Variants in SYT1 observed in about 807,000 individuals in gnomAD.
SYT1 encodes synaptotagmin-1.
Under a neutral mutation model 44.8 loss-of-function variants are expected in SYT1, and 8 were observed. The ratio of observed to expected loss-of-function variants is 0.18; its 90% CI spans 0.10 to 0.32. SYT1 has a LOEUF of 0.32. Among genes scored for constraint, SYT1 ranks in the 10% least tolerant of loss-of-function variants. The pLI, the probability that SYT1 is intolerant of heterozygous loss-of-function variation, is 1.00. For missense variants in SYT1, 286 were observed against 509.3 expected (o/e 0.56, Z 4.22); for synonymous variants, 154 against 188.8 (o/e 0.82, Z 1.51).
At chr12:79,073,605 G>GA (rs1876435161) in intron 3 of SYT1, among the ~76,000 whole-genome samples, 1 of 152,126 alleles carries the variant, frequency 6.6e-6, no homozygotes, top group Non-Finnish European at 1.5e-5. Flanking sequence ...GACAGCAGGT[G>GA]AAAATCCCTG....
At chr12:79,445,335 G>A (rs565055592) in intron 10 of SYT1, among the ~76,000 whole-genome samples, 1 of 151,964 alleles carries the variant, frequency 6.6e-6, no homozygotes, top group Non-Finnish European at 1.5e-5. Flanking sequence ...CCTACTTGTA[G>A]CTATTTGAAA....
intron 9 of SYT1, among the ~76,000 whole-genome samples, chr12:79,395,642 C>T (rs1400071360): frequency 1.3e-5 from 2 of 151,986 alleles, no homozygotes; most frequent in East Asian, 3.8e-4. Context: ...CTGCCTTGGC[C>T]TCCCAAAGTG....
intron 3 of SYT1, among the ~76,000 whole-genome samples, chr12:79,117,779 A>G (rs1879384702): frequency 6.9e-6 from 1 of 145,478 alleles, no homozygotes; most frequent in South Asian, 2.2e-4. Context: ...GAGCTAGGTC[A>G]TATTATTTAT....
intron 7 of SYT1, among the ~76,000 whole-genome samples, chr12:79,297,289 C>T (rs1399979335): frequency 6.6e-6 from 1 of 152,080 alleles, no homozygotes; most frequent in Non-Finnish European, 1.5e-5. Context: ...TAAAGACATT[C>T]TGGAAATACT....
At chr12:79,109,204 T>C (rs1166506085) in intron 3 of SYT1, among the ~76,000 whole-genome samples, 1 of 152,144 alleles carries the variant, frequency 6.6e-6, no homozygotes, top group Non-Finnish European at 1.5e-5. Context: ...CTCCTCCCAA[T>C]GTTCAGGCCA....
At chr12:79,242,818 C>T (rs1454209452) in intron 4 of SYT1, among the ~76,000 whole-genome samples, 1 of 152,162 alleles carries the variant, frequency 6.6e-6, no homozygotes, top group African/African-American at 2.4e-5. Flanking sequence ...GTGTATATAA[C>T]TTCTATGTAA....
chr12:79,450,645 T>C lies in SYT1; in HGVS notation c.*1521T>C, dbSNP rs1378780513. 1.3e-5 allele frequency: 2 copies of C among 152,670 alleles called. No individual in the cohort carries two copies. Among genetic ancestry groups the C allele is most frequent in the African/African-American group, 2.4e-5 (1 of 41,458 alleles). 9.5% of individuals were successfully genotyped at this position (152,670 alleles called of 1,614,324 possible). A position where few individuals can be genotyped will look rare whatever the true frequency, so the allele number is the denominator to read the frequency against. ...AGTGGATAGCACTCAATTTATTCCG[T>C]AGTGATATTGTAACAATACTGCCAT... On this transcript the variant is annotated 3_prime_UTR_variant, in exon 11 of 11. Transcript: ENST00000261205.
At chr12:79,115,182 T>A (rs1367963193) in intron 3 of SYT1, among the ~76,000 whole-genome samples, 2 of 152,146 alleles carry the variant, frequency 1.3e-5, no homozygotes, top group African/African-American at 4.8e-5. Context: ...TATTAGAATA[T>A]CATAAAATTA....
At chr12:78,912,691 G>A (rs2137132265) in intron 1 of SYT1, among the ~76,000 whole-genome samples, 1 of 151,986 alleles carries the variant, frequency 6.6e-6, no homozygotes, top group Admixed American at 6.6e-5. Context: ...GCTTTAAAAG[G>A]GAGATGTTTT....
chr12:79,424,123 G>T (rs764287414), intron 9 of SYT1, among the ~76,000 whole-genome samples: 4 of 151,968 alleles, frequency 2.6e-5, no homozygotes, highest in African/African-American at 7.2e-5. Context: ...AAGGGAATTC[G>T]AATGGCACTA....
chr12:78,948,471 T>A (rs562376683), intron 1 of SYT1, among the ~76,000 whole-genome samples: 1 of 152,030 alleles, frequency 6.6e-6, no homozygotes, highest in African/African-American at 2.4e-5. Context: ...GTGATATACA[T>A]GATACAGATA....
intron 1 of SYT1, among the ~76,000 whole-genome samples, chr12:78,917,610 T>TA (rs1876741521): frequency 1.4e-5 from 2 of 143,928 alleles, no homozygotes; most frequent in Admixed American, 6.9e-5. Context: ...TAAAGTATAA[T>TA]AAAAAAATTT....
At chr12:79,291,231 A>G (rs1879565179) in intron 5 of SYT1, among the ~76,000 whole-genome samples, 1 of 152,216 alleles carries the variant, frequency 6.6e-6, no homozygotes, top group South Asian at 2.1e-4. Flanking sequence ...TGAGAGTTCA[A>G]TACAATTGAT....
chr12:79,123,851 G>GA (rs992736669), intron 3 of SYT1, among the ~76,000 whole-genome samples: 11 of 150,284 alleles, frequency 7.3e-5, no homozygotes, highest in East Asian at 3.9e-4. Flanking sequence ...CAGCAAAAAA[G>GA]AAAAAAAAAG....
intron 9 of SYT1, chr12:79,392,355 A>G (rs1884691402): frequency 6.6e-6 from 1 of 152,230 alleles, no homozygotes; most frequent in Admixed American, 6.5e-5. Context: ...GTAATGATAT[A>G]AACAGATTTC....
intron 1 of SYT1, among the ~76,000 whole-genome samples, chr12:78,869,079 G>A (rs900671951): frequency 1.3e-5 from 2 of 151,750 alleles, no homozygotes; most frequent in East Asian, 3.9e-4. Flanking sequence ...GCATTGGGTG[G>A]GAGAATGTGG....
chr12:79,239,644 T>G (rs149019519), intron 4 of SYT1, among the ~76,000 whole-genome samples: 70 of 152,208 alleles, frequency 4.6e-4, no homozygotes, highest in African/African-American at 1.6e-3. Flanking sequence ...ATTAGTGGCT[T>G]AAAACAACAC....
chr12:79,377,301 C>G (rs192129843), intron 9 of SYT1, among the ~76,000 whole-genome samples: 375 of 152,170 alleles, frequency 2.5e-3, no homozygotes, highest in African/African-American at 8.6e-3. Context: ...TCAGTAGAGA[C>G]GAGGTTTCAC....
At chr12:79,175,863 G>A (rs995609723) in intron 3 of SYT1, among the ~76,000 whole-genome samples, 5 of 152,164 alleles carry the variant, frequency 3.3e-5, no homozygotes, top group Admixed American at 2.6e-4. Flanking sequence ...GGGTTGGGGG[G>A]TAGCATCCCC....
Sources: gnomAD v4.1 joint callset for allele counts (sites outside exome capture counted in the v4.1 genomes callset) on GRCh38, gnomAD v4.1.1 for gene constraint, MANE v1.5 for transcripts, NCBI Gene and HGNC (gene_info 2026-07-23, HGNC 2026-07-21) for gene names.